The following GPR149 variants were observed in gnomAD, a reference collection of about 807,000 sequenced individuals.
The protein encoded by GPR149 is G protein-coupled receptor 149, also known as probable G protein-coupled receptor 149.
In GPR149, 50 loss-of-function variants were observed where a neutral mutation model predicts 50.2. The observed-to-expected ratio is 1.00, with a 90% confidence interval of 0.79 to 1.26. GPR149 has a LOEUF of 1.26. Among genes scored for constraint, GPR149 ranks in the 50% most tolerant of loss-of-function variants. GPR149 has a pLI of 0.00. For missense variants in GPR149, 983 were observed against 895.4 expected (o/e 1.10, Z -1.25); for synonymous variants, 405 against 358.2 (o/e 1.13, Z -1.48).
At chr3:154,367,643 T>C (rs1714561036) in intron 3 of GPR149, among the ~76,000 whole-genome samples, 1 of 152,194 alleles carries the variant, frequency 6.6e-6, no homozygotes, top group African/African-American at 2.4e-5. Context: ...GCTACCCACT[T>C]GGGACACCTT....
intron 3 of GPR149, among the ~76,000 whole-genome samples, chr3:154,387,437 G>A (rs1559982037): frequency 6.6e-6 from 1 of 152,170 alleles, no homozygotes; most frequent in Admixed American, 6.5e-5. Context: ...TGTTTGTTGA[G>A]TGAATAATAT....
chr3:154,418,599 G>A (rs1311203427), intron 3 of GPR149, among the ~76,000 whole-genome samples: 1 of 122,406 alleles, frequency 8.2e-6, no homozygotes, highest in Non-Finnish European at 1.7e-5. Context: ...CTCACTCATA[G>A]GTGGGAATTG....
Position 154,378,342 on chromosome 3 carries a change from C to A in GPR149, c.1624-40071G>T, listed in dbSNP as rs574910292. ...CTCCTGGCCTCAAGTGATCTGCCCA[C>A]CTTGGGCTCCCAAAGTGCTGGGATT... On this transcript the variant is annotated intron_variant, in intron 3 of 3. Coordinates refer to ENST00000389740, the MANE Select transcript of GPR149 (RefSeq NM_001038705.3). 1.4e-4 allele frequency among the ~76,000 whole-genome samples: 22 copies of A among 152,114 alleles called. No homozygotes were observed. In the South Asian group the frequency reaches 2.5e-3, roughly 17 times the overall value.
intron 3 of GPR149, among the ~76,000 whole-genome samples, chr3:154,401,837 G>A (rs1711559418): frequency 6.6e-6 from 1 of 152,152 alleles, no homozygotes; most frequent in Admixed American, 6.5e-5. Flanking sequence ...GAAGTTTGAT[G>A]TTAGGAAGTC....
intron 3 of GPR149, among the ~76,000 whole-genome samples, chr3:154,346,170 A>G (rs888235266): frequency 2.0e-5 from 3 of 152,206 alleles, no homozygotes; most frequent in African/African-American, 7.2e-5. Flanking sequence ...TAGGCCTCTT[A>G]AAGTACAGAC....
intron 3 of GPR149, chr3:154,353,537 G>A (rs545058937): frequency 1.2e-5 from 11 of 929,512 alleles, no homozygotes; most frequent in African/African-American, 6.5e-5. Context: ...TATGACCAGG[G>A]GTTCCAACCA....
Position 154,343,872 on chromosome 3 carries a change from C to T in GPR149, c.1624-5601G>A, listed in dbSNP as rs111497573. ...TGTGTTTCTGTAGTGCCAGCTACTG[C>T]GGAGGCTGAGGTGGGAGCATCACTT... On this transcript the variant is annotated intron_variant, in intron 3 of 3. Transcript: ENST00000389740. Among the ~76,000 whole-genome samples the T allele has an allele frequency of 9.7e-3, 1,468 of 151,814 alleles. 15 individuals are homozygous for T. The highest frequency in any genetic ancestry group is 0.017 in the Non-Finnish European group (1,163 of 67,934).
intron 3 of GPR149, among the ~76,000 whole-genome samples, chr3:154,395,463 T>TAA (rs1305530320): frequency 1.5e-3 from 229 of 148,322 alleles, no homozygotes; most frequent in African/African-American, 5.6e-3. Flanking sequence ...TATATATATA[T>TAA]AATTTTAAAA....
chr3:154,396,311 G>A (rs1715292327), intron 3 of GPR149, among the ~76,000 whole-genome samples: 2 of 151,998 alleles, frequency 1.3e-5, no homozygotes, highest in South Asian at 4.1e-4. Context: ...TTTCATTTTT[G>A]TTTAAGACAT....
chr3:154,407,535 G>A (rs575740979), intron 3 of GPR149, among the ~76,000 whole-genome samples: 3 of 152,250 alleles, frequency 2.0e-5, no homozygotes, highest in African/African-American at 7.2e-5. Context: ...TAAGAAAAGA[G>A]AAAGGCTTGA....
At chr3:154,353,217 T>G (rs1043914743) in intron 3 of GPR149, 7 of 1,531,032 alleles carry the variant, frequency 4.6e-6, no homozygotes, top group Non-Finnish European at 5.4e-6. Flanking sequence ...TGCTGGCCTC[T>G]GAGACCAATG....
intron 3 of GPR149, among the ~76,000 whole-genome samples, chr3:154,375,061 CTAAT>C (rs1176791030): frequency 2.0e-5 from 3 of 152,112 alleles, no homozygotes; most frequent in Admixed American, 6.6e-5. Flanking sequence ...ATATGAAATG[CTAAT>C]TAAAGTGTTT....
intron 2 of GPR149, among the ~76,000 whole-genome samples, chr3:154,425,357 T>C (rs1712263723): frequency 6.6e-6 from 1 of 152,036 alleles, no homozygotes; most frequent in Non-Finnish European, 1.5e-5. Context: ...GGACAAAAAG[T>C]TTAAACATAA....
At chr3:154,369,093 C>T (rs924826308) in intron 3 of GPR149, among the ~76,000 whole-genome samples, 2 of 152,194 alleles carry the variant, frequency 1.3e-5, no homozygotes, top group African/African-American at 4.8e-5. Flanking sequence ...GGACCTGACC[C>T]TCGGGGGATG....
intron 3 of GPR149, among the ~76,000 whole-genome samples, chr3:154,369,618 C>T (rs75141780): frequency 0.037 from 5,705 of 152,314 alleles, 161 homozygotes; most frequent in Non-Finnish European, 0.058. Context: ...ATCTCCCTTA[C>T]AAGGGACTAT....
At chr3:154,372,155 C>T (rs1028420794) in intron 3 of GPR149, among the ~76,000 whole-genome samples, 1 of 152,172 alleles carries the variant, frequency 6.6e-6, no homozygotes, top group African/African-American at 2.4e-5. Flanking sequence ...AGAGGAGGTT[C>T]CAGCTGGGCT....
chr3:154,365,590 C>T (rs1356295616), intron 3 of GPR149, among the ~76,000 whole-genome samples: 1 of 152,140 alleles, frequency 6.6e-6, no homozygotes, highest in Non-Finnish European at 1.5e-5. Context: ...TCTCTTCTCA[C>T]ACTTTACTAT....
intron 3 of GPR149, among the ~76,000 whole-genome samples, chr3:154,417,167 C>T (rs574660831): frequency 6.6e-6 from 1 of 151,884 alleles, no homozygotes; most frequent in African/African-American, 2.4e-5. Context: ...CACATTAAGA[C>T]TTTCTAACTA....
rs1182722024 is a variant in GPR149, at chr3:154,429,992, T to C, written c.-377A>G. ...TCTGGATCCTTTGGGGTCCTTCTTA[T>C]GGAGCAAAGCAGCTTGTAGCTTGAG... On this transcript the variant is annotated 5_prime_UTR_variant, in exon 1 of 4. Transcript: ENST00000389740. Among the ~76,000 whole-genome samples, 2 of 152,118 alleles carry C rather than the reference T, an allele frequency of 1.3e-5. No homozygotes were observed. Among genetic ancestry groups the C allele is most frequent in the Non-Finnish European group, 2.9e-5 (2 of 68,014 alleles).
Sources: allele counts gnomAD v4.1 joint callset (sites outside exome capture counted in the v4.1 genomes callset), GRCh38; gene constraint gnomAD v4.1.1; transcripts MANE v1.5; gene names NCBI Gene and HGNC (gene_info 2026-07-23, HGNC 2026-07-21).